Variants in FBXO27 observed in about 807,000 individuals in gnomAD.
FBXO27 encodes F-box protein 27.
Under a neutral mutation model 28.3 loss-of-function variants are expected in FBXO27, and 28 were observed. The ratio of observed to expected loss-of-function variants is 0.99; its 90% CI spans 0.73 to 1.36. The LOEUF is 1.36. FBXO27 is among the 40% of genes most tolerant of loss of function. The pLI is 0.00. For missense variants in FBXO27, 388 were observed against 394.1 expected, an observed-to-expected ratio of 0.98 and a Z score of 0.13; for synonymous variants, 175 against 167.3, an observed-to-expected ratio of 1.05 and a Z score of -0.36.
In FBXO27 at chr19:39,031,054, TGC is replaced by T; in HGVS notation, c.545_546del (p.Gly182GlufsTer3). On this transcript the variant is annotated frameshift_variant, in exon 4 of 6. Coordinates refer to ENST00000292853, the MANE Select transcript of FBXO27 (RefSeq NM_178820.5). LOFTEE classifies it high-confidence loss of function. ...CAGTCAGAGACACAAATCTCAATCC[TGC>T]CACTATCCAGCAGTTCTGGCCACAG... ...EGLWPELLDS[G>X]RIEICVSDWW... The T allele has an allele frequency of 6.2e-7, 1 of 1,614,126 alleles. No homozygotes were observed. The highest frequency in any genetic ancestry group is 2.2e-5 in the East Asian group (1 of 44,884).
At chr19:39,020,768 A>AAAAAAAT (rs1260256735), downstream of FBXO27, among the ~76,000 whole-genome samples, 3 of 151,632 alleles carry the variant, frequency 2.0e-5, no homozygotes, top group African/African-American at 7.3e-5. Flanking sequence ...AAAAAAAAAA[A>AAAAAAAT]AAAAGGTAGG....
downstream of FBXO27, among the ~76,000 whole-genome samples, chr19:39,022,667 A>G (rs559883845): frequency 6.6e-6 from 1 of 151,934 alleles, no homozygotes; most frequent in South Asian, 2.1e-4. Context: ...CCCAGGCTGG[A>G]GTTCAGTGGA....
At chr19:39,020,034 G>A (rs1600225187), downstream of FBXO27, among the ~76,000 whole-genome samples, 1 of 152,026 alleles carries the variant, frequency 6.6e-6, no homozygotes, top group Non-Finnish European at 1.5e-5. Flanking sequence ...ATTACAGGCA[G>A]GAGCCACACC....
chr19:39,022,146 CTTTTTTTTTTTTT>C (rs532602600), downstream of FBXO27, among the ~76,000 whole-genome samples: 4 of 89,048 alleles, frequency 4.5e-5, no homozygotes, highest in Non-Finnish European at 8.3e-5. Flanking sequence ...ATTTTCTATT[CTTTTTTTTTTTTT>C]TTTTTTTTTT....
intron 2 of FBXO27, among the ~76,000 whole-genome samples, chr19:39,011,301 AC>A (rs1438681469): frequency 6.6e-6 from 1 of 151,970 alleles, no homozygotes; most frequent in Non-Finnish European, 1.5e-5. Flanking sequence ...GCGTGGTGTC[AC>A]CCGCCTGTAA....
rs185045871 is a variant in FBXO27 at position 39,031,000 on chromosome 19, C to A, written c.572+29G>T. ...CATGTCACATGCAGTCAGTGCTTAG[C>A]AAGGGGCTATTTTAATCGTCACACT... On this transcript the variant is annotated intron_variant, in intron 4 of 5. Coordinates refer to ENST00000292853, the MANE Select transcript of FBXO27 (RefSeq NM_178820.5). The A allele has an allele frequency of 4.0e-3, 6,386 of 1,586,700 alleles. 15 individuals carry two copies. Among genetic ancestry groups the A allele is most frequent in the Non-Finnish European group, 4.9e-3 (5,651 of 1,155,138 alleles).
chr19:39,007,166 G>GC (rs1391320493), intron 2 of FBXO27, among the ~76,000 whole-genome samples: 1 of 152,020 alleles, frequency 6.6e-6, no homozygotes, highest in Non-Finnish European at 1.5e-5. Context: ...GGCAGGAGGT[G>GC]CATTCATAAG....
At chr19:39,012,188 C>CTT (rs34249268) in intron 2 of FBXO27, among the ~76,000 whole-genome samples, 2,256 of 133,322 alleles carry the variant, frequency 0.017, 36 homozygotes, top group Non-Finnish European at 0.025. Flanking sequence ...ATTTATTAAC[C>CTT]TTTTTTTTTT....
intron 4 of FBXO27, among the ~76,000 whole-genome samples, chr19:39,029,728 C>T (rs1025311872): frequency 6.6e-6 from 1 of 152,180 alleles, no homozygotes; most frequent in Non-Finnish European, 1.5e-5. Context: ...AGTCTTCATG[C>T]ACCCCAGTTT....
At chr19:39,026,810 A>T in intron 5 of FBXO27, 60 bp downstream of exon 5, 1 of 1,607,170 alleles carries the variant, frequency 6.2e-7, no homozygotes, top group Non-Finnish European at 8.5e-7. Flanking sequence ...TTTTGGGGTG[A>T]TTTATTTTGC....
At chr19:39,008,319 T>G (rs1297522753) in intron 2 of FBXO27, among the ~76,000 whole-genome samples, 1 of 150,638 alleles carries the variant, frequency 6.6e-6, no homozygotes, top group Non-Finnish European at 1.5e-5. Flanking sequence ...GGTCTCACTA[T>G]GTTGCCCAGG....
chr19:39,007,057 C>CAAAAAA lies in FBXO27; in HGVS notation c.252+7324_252+7329dup, dbSNP rs34457510. 2.3e-4 allele frequency among the ~76,000 whole-genome samples: 13 copies of CAAAAAA among 57,596 alleles called. 2 individuals carry two copies. The highest frequency in any genetic ancestry group is 2.6e-4 in the Admixed American group (1 of 3,914). The allele number at this position is 57,596 out of a possible 152,430, so 37.8% of individuals were successfully genotyped here. A position where few individuals can be genotyped will look rare whatever the true frequency, so the allele number is the denominator to read the frequency against. On this transcript the variant is annotated intron_variant, in intron 2 of 2. Transcript: ENST00000598394. ...CACTGGACTCTAGCCTGGGTGTCTC[C>CAAAAAA]AAAAAAAAAAAAAAAAAAAAATACA... is the stretch of plus-strand genomic sequence containing the variant.
chr19:39,026,228 T>C (rs2072872296), intron 5 of FBXO27, among the ~76,000 whole-genome samples: 1 of 151,984 alleles, frequency 6.6e-6, no homozygotes, highest in Admixed American at 6.6e-5. Context: ...GGAGCCGCCA[T>C]GGTGTGAGGA....
rs2072912319 is a variant in FBXO27, at chr19:39,032,465, C to T, written c.-27+38G>A. 3 of 527,098 alleles carry T rather than the reference C, an allele frequency of 5.7e-6. No homozygotes were observed. The highest frequency in any genetic ancestry group is 9.2e-6 in the Non-Finnish European group (3 of 325,800). The allele number at this position is 527,098 out of a possible 1,614,324, so 32.7% of individuals were successfully genotyped here. On this transcript the variant is annotated intron_variant, in intron 1 of 5. Transcript: ENST00000292853. The surrounding 1 kb of genome is among the most constrained non-coding windows in gnomAD (Gnocchi z 4.7). Reference sequence around the variant, plus strand: ...CCCCGAATTGCATGCAATCAGCCCCCCTCGGCGGCCGCACCGACACCGCAC... The same window carrying T: ...CCCCGAATTGCATGCAATCAGCCCCTCTCGGCGGCCGCACCGACACCGCAC...
At chr19:39,025,635 T>C in intron 5 of FBXO27, 81 bp from the exon 6 acceptor site, 1 of 1,486,668 alleles carries the variant, frequency 6.7e-7, no homozygotes, top group Non-Finnish European at 9.0e-7. Context: ...TGGAAGATGG[T>C]TATTTTCCAA....
At chr19:39,016,438 T>C (rs112161443) in intron 1 of FBXO27, among the ~76,000 whole-genome samples, 4,972 of 151,846 alleles carry the variant, frequency 0.033, 272 homozygotes, top group African/African-American at 0.11. Context: ...AATTTTGCTG[T>C]GAACCTAAAA....
intron 2 of FBXO27, among the ~76,000 whole-genome samples, chr19:39,012,078 C>T (rs183115230): frequency 8.1e-4 from 123 of 151,948 alleles, no homozygotes; most frequent in African/African-American, 2.8e-3. Context: ...CGTGATCCGC[C>T]CGTCTCGGCC....
chr19:39,015,707 G>A (rs1362199918), intron 1 of FBXO27, among the ~76,000 whole-genome samples: 1 of 152,104 alleles, frequency 6.6e-6, no homozygotes, highest in Non-Finnish European at 1.5e-5. Context: ...GACCAATTAG[G>A]TAAGGATACA....
downstream of FBXO27, among the ~76,000 whole-genome samples, chr19:39,019,569 A>G (rs905461910): frequency 1.1e-4 from 16 of 151,304 alleles, no homozygotes; most frequent in African/African-American, 3.9e-4. Flanking sequence ...AAATCTGGAG[A>G]GTTTAATGCC....
Sources: allele counts gnomAD v4.1 joint callset (sites outside exome capture counted in the v4.1 genomes callset), GRCh38; gene constraint gnomAD v4.1.1; non-coding constraint Gnocchi (gnomAD v3.1); transcripts MANE v1.5; gene names NCBI Gene and HGNC (gene_info 2026-07-23, HGNC 2026-07-21).